Variants in RALGAPA2 observed in about 807,000 individuals in gnomAD.
RALGAPA2 encodes ral GTPase-activating protein subunit alpha-2.
In RALGAPA2, 139 loss-of-function variants were observed where a neutral mutation model predicts 230.4. That is an observed-to-expected ratio of 0.60 (90% CI 0.53 to 0.69). The LOEUF is 0.69. Among genes scored for constraint, RALGAPA2 ranks in the 30% least tolerant of loss-of-function variants. The probability of loss-of-function intolerance (pLI) is 0.00; values close to 1 mark genes in which losing one functional copy is unlikely to be tolerated. For synonymous variants in RALGAPA2, 847 were observed against 837.8 expected, an observed-to-expected ratio of 1.01 and a Z score of -0.19; for missense variants, 2,163 against 2,276.0, an observed-to-expected ratio of 0.95 and a Z score of 1.01.
chr20:20,690,066 GA>G (rs2068848740), intron 1 of RALGAPA2, among the ~76,000 whole-genome samples: 1 of 151,984 alleles, frequency 6.6e-6, no homozygotes, highest in African/African-American at 2.4e-5. Flanking sequence ...TGAACCAAAA[GA>G]CATAAGTGTA....
intron 2 of RALGAPA2, among the ~76,000 whole-genome samples, chr20:20,678,845 G>A (rs1171180646): frequency 1.3e-5 from 2 of 151,870 alleles, no homozygotes; most frequent in Admixed American, 6.6e-5. Context: ...CTTTCTCTCC[G>A]CACTCACTAA....
intron 37 of RALGAPA2, among the ~76,000 whole-genome samples, chr20:20,446,958 T>C (rs185557967): frequency 6.6e-6 from 1 of 152,342 alleles, no homozygotes; most frequent in Admixed American, 6.5e-5. Context: ...CCATTTGTCA[T>C]GAAGTCAAAC....
intron 23 of RALGAPA2, among the ~76,000 whole-genome samples, chr20:20,552,354 T>C (rs1036553456): frequency 2.0e-5 from 3 of 152,132 alleles, no homozygotes; most frequent in African/African-American, 7.2e-5. Flanking sequence ...GACACAATCA[T>C]CAAGAAATAA....
Position 20,435,202 on chromosome 20 carries a change from C to A in RALGAPA2, c.5496-23054G>T, listed in dbSNP as rs185016288. Reference sequence around the variant, plus strand: ...AGCCACCTGGGTGTTGATGCCAGATCCCCTGGCTCTAAACTCAGCCCTGGA... The same window carrying A: ...AGCCACCTGGGTGTTGATGCCAGATACCCTGGCTCTAAACTCAGCCCTGGA... On this transcript the variant is annotated intron_variant, in intron 37 of 39. Transcript: ENST00000202677. 2.6e-5 allele frequency among the ~76,000 whole-genome samples: 4 copies of A among 152,364 alleles called. No individual in the cohort carries two copies. In the East Asian group the frequency reaches 7.7e-4, roughly 29 times the overall value.
At chr20:20,572,842 G>A in intron 21 of RALGAPA2, 33 bp downstream of exon 21, 1 of 1,424,726 alleles carries the variant, frequency 7.0e-7, no homozygotes, top group Non-Finnish European at 9.4e-7. Context: ...CATTTTCCTG[G>A]ATTAGAATAA....
chr20:20,409,653 A>C lies in RALGAPA2; in HGVS notation c.5617+2374T>G, dbSNP rs574073418. ...CCTTGTCCCAAGAACATAACAGTGT[A>C]AACAAATGACAAATGTTTTCATCTG... On this transcript the variant is annotated intron_variant, in intron 38 of 39. Coordinates refer to ENST00000202677, the MANE Select transcript of RALGAPA2 (RefSeq NM_020343.4). 7.9e-5 allele frequency among the ~76,000 whole-genome samples: 12 copies of C among 152,342 alleles called. 1 individual carries two copies. The highest frequency in any genetic ancestry group is 2.6e-4 in the African/African-American group (11 of 41,572).
intron 23 of RALGAPA2, among the ~76,000 whole-genome samples, chr20:20,547,292 G>A (rs1037256152): frequency 1.3e-5 from 2 of 152,204 alleles, no homozygotes; most frequent in African/African-American, 2.4e-5. Context: ...ATAGTTTTAC[G>A]TGTTCAGAAA....
At position 20,433,519 on chromosome 20, in the gene RALGAPA2, C is replaced by T. The variant is rs373955448; in HGVS notation, c.5496-21371G>A. Among the ~76,000 whole-genome samples, 5 of 152,142 alleles carry T rather than the reference C, an allele frequency of 3.3e-5. 1 individual carries two copies. In the East Asian group the frequency reaches 7.7e-4, roughly 23 times the overall value. ...GAATAAGCTCTTTGATGTAAGGTAT[C>T]AATACAAATGCAACCTAAAAACGCA... On this transcript the variant is annotated intron_variant, in intron 37 of 39. Transcript: ENST00000202677.
chr20:20,429,226 C>A (rs1273445114), intron 37 of RALGAPA2, among the ~76,000 whole-genome samples: 1 of 152,172 alleles, frequency 6.6e-6, no homozygotes, highest in African/African-American at 2.4e-5. Flanking sequence ...AAACCCAGGG[C>A]GATCTGTTAC....
At chr20:20,689,487 CA>C (rs2068825098) in intron 1 of RALGAPA2, among the ~76,000 whole-genome samples, 1 of 151,994 alleles carries the variant, frequency 6.6e-6, no homozygotes, top group South Asian at 2.1e-4. Context: ...ACTAAAAATA[CA>C]AAAATCAGCT....
intron 30 of RALGAPA2, among the ~76,000 whole-genome samples, chr20:20,522,318 T>A (rs2063069236): frequency 6.6e-6 from 1 of 151,948 alleles, no homozygotes; most frequent in Non-Finnish European, 1.5e-5. Context: ...TCCAAATGTC[T>A]ATGAACGGTA....
chr20:20,449,999 A>G (rs2060952111), intron 37 of RALGAPA2, among the ~76,000 whole-genome samples: 1 of 152,126 alleles, frequency 6.6e-6, no homozygotes. Context: ...CCTTCAGATG[A>G]TACTCTTATT....
chr20:20,660,532 T>A (rs2067740393), intron 3 of RALGAPA2, among the ~76,000 whole-genome samples: 1 of 152,036 alleles, frequency 6.6e-6, no homozygotes, highest in African/African-American at 2.4e-5. Flanking sequence ...GTTTTTTTTT[T>A]TTATTTAAGT....
At chr20:20,666,488 T>G (rs2067959145) in intron 3 of RALGAPA2, among the ~76,000 whole-genome samples, 1 of 152,182 alleles carries the variant, frequency 6.6e-6, no homozygotes, top group South Asian at 2.1e-4. Context: ...AACCGTGAAG[T>G]GGCCCTTACA....
chr20:20,567,618 T>C (rs1355607969), intron 23 of RALGAPA2, among the ~76,000 whole-genome samples: 1 of 152,178 alleles, frequency 6.6e-6, no homozygotes, highest in Non-Finnish European at 1.5e-5. Flanking sequence ...CAAGCCTGTA[T>C]GTGAATTCTA....
At chr20:20,621,150 A>AG (rs1340769418) in intron 10 of RALGAPA2, among the ~76,000 whole-genome samples, 1 of 152,028 alleles carries the variant, frequency 6.6e-6, no homozygotes, top group Non-Finnish European at 1.5e-5. Flanking sequence ...CCAAAAAAAA[A>AG]AAAAGGAAGA....
In RALGAPA2 at chr20:20,589,363, G is replaced by A; in HGVS notation, c.2344C>T (p.Gln782Ter). Residue 782 changes from glutamine (Q) to a stop codon, truncating the protein, a stop_gained and splice_region_variant, in exon 18 of 40, where the codon CAA becomes TAA. Transcript: ENST00000202677. LOFTEE classifies it high-confidence loss of function. ...GAATTCTGTGTGTTTTCTGCCTTTT[G>A]ACCTAGAAATGGTGGGGCAGGGGGG... Reference protein sequence around the residue: ...EPLCSDSSQGQKAENTQNSSS... With the variant: ...EPLCSDSSQG The A allele has an allele frequency of 6.3e-7, 1 of 1,581,002 alleles. No homozygotes were observed. Among genetic ancestry groups the A allele is most frequent in the South Asian group, 1.2e-5 (1 of 86,644 alleles).
intron 31 of RALGAPA2, among the ~76,000 whole-genome samples, chr20:20,514,930 C>T (rs1398718261): frequency 6.6e-6 from 1 of 152,226 alleles, no homozygotes; most frequent in African/African-American, 2.4e-5. Context: ...AAGGAGATTT[C>T]CCAGCTCCAT....
intron 20 of RALGAPA2, among the ~76,000 whole-genome samples, chr20:20,579,884 C>T (rs1258526178): frequency 6.6e-6 from 1 of 152,118 alleles, no homozygotes; most frequent in Non-Finnish European, 1.5e-5. Flanking sequence ...TGTCTGTGTG[C>T]ACTCAGTGCT....
Sources: allele counts gnomAD v4.1 joint callset (sites outside exome capture counted in the v4.1 genomes callset), GRCh38; gene constraint gnomAD v4.1.1; transcripts MANE v1.5; gene names NCBI Gene and HGNC (gene_info 2026-07-23, HGNC 2026-07-21).